The following WDR33 variants were observed in gnomAD, a reference collection of about 807,000 sequenced individuals.
The protein encoded by WDR33 is WD repeat domain 33.
In WDR33, 47 loss-of-function variants were observed where a neutral mutation model predicts 164.9. That is an observed-to-expected ratio of 0.29 (90% confidence interval 0.23 to 0.36). The LOEUF (loss-of-function observed/expected upper bound fraction) is 0.36. Ranked by LOEUF, WDR33 falls within the 10% of genes least tolerant of loss-of-function variation. The probability of loss-of-function intolerance (pLI) is 1.00; values close to 1 mark genes in which losing one functional copy is unlikely to be tolerated. For missense variants in WDR33, 1,137 were observed against 1,754.1 expected (o/e 0.65, Z 6.28); for synonymous variants, 505 against 589.0 (o/e 0.86, Z 2.06).
In WDR33 at chr2:127,706,310, T is replaced by C; in HGVS notation, c.*13A>G. 2.0e-6 allele frequency: 3 copies of C among 1,535,624 alleles called. No individual in the cohort carries two copies. The highest frequency in any genetic ancestry group is 2.6e-6 in the Non-Finnish European group (3 of 1,144,566). On this transcript the variant is annotated 3_prime_UTR_variant, in exon 22 of 22. Coordinates refer to ENST00000322313, the MANE Select transcript of WDR33 (RefSeq NM_018383.5). The surrounding 1 kb of genome is among the most constrained non-coding windows in gnomAD (Gnocchi z 5.1). ...ACTGTCCAGAGAGGCCTCAGGGTAC[T>C]CAGTTCCAGCTTCTACCGACCCCTT...
rs1184950861 is a variant in WDR33, at chr2:127,706,073, C to G, written c.*250G>C. 2.5e-6 allele frequency: 1 copy of G among 392,548 alleles called. No individual in the cohort carries two copies. Among genetic ancestry groups the G allele is most frequent in the Non-Finnish European group, 4.5e-6 (1 of 222,846 alleles). The allele number at this position is 392,548 out of a possible 1,614,324, so 24.3% of individuals were successfully genotyped here. A position where few individuals can be genotyped will look rare whatever the true frequency, so the allele number is the denominator to read the frequency against. On this transcript the variant is annotated 3_prime_UTR_variant, in exon 22 of 22. Transcript: ENST00000322313. The surrounding 1 kb of genome is among the most constrained non-coding windows in gnomAD (Gnocchi z 5.1). The stretch of plus-strand genomic sequence containing the variant: ...TGAGACTTAAAAAAAAGAAAAAGAT[C>G]CCAGCTTTTATCTTCACAAAACAAC...
At chr2:127,801,758 C>A (rs1384470668) in intron 1 of WDR33, among the ~76,000 whole-genome samples, 1 of 152,046 alleles carries the variant, frequency 6.6e-6, no homozygotes, top group Non-Finnish European at 1.5e-5. Context: ...GTGGTGCACA[C>A]CTGTAGTGCC....
chr2:127,772,720 G>C (rs1361433137), intron 1 of WDR33, among the ~76,000 whole-genome samples: 1 of 152,142 alleles, frequency 6.6e-6, no homozygotes, highest in African/African-American at 2.4e-5. Context: ...GTTTATATCT[G>C]AAGAGGAAAA....
At position 127,731,316 on chromosome 2, in the gene WDR33, A is replaced by AAC. The variant is rs200676879; in HGVS notation, c.725-4540_725-4539insGT. On this transcript the variant is annotated intron_variant, in intron 7 of 21. Transcript: ENST00000322313. The stretch of plus-strand genomic sequence containing the variant: ...CCTCAAAAAAAAAAAAAAAAAAAAA[A>AAC]AACACAGAAAAGCAAAAATTAAATT... Among the ~76,000 whole-genome samples, 368 of 149,934 alleles carry AAC rather than the reference A, an allele frequency of 2.5e-3. 1 individual carries two copies. The highest frequency in any genetic ancestry group is 8.7e-3 in the African/African-American group (349 of 39,952).
intron 7 of WDR33, among the ~76,000 whole-genome samples, chr2:127,750,689 T>TGTGTATACATAC (rs1687314809): frequency 4.7e-5 from 3 of 63,344 alleles, no homozygotes; most frequent in African/African-American, 3.5e-4. Flanking sequence ...TATATATATA[T>TGTGTATACATAC]ATATATATAT....
Position 127,710,016 on chromosome 2 carries a change from C to G in WDR33, c.3309-160G>C, listed in dbSNP as rs1487499491. Among the ~76,000 whole-genome samples the G allele has an allele frequency of 6.6e-6, 1 of 152,186 alleles. No homozygotes were observed. Among genetic ancestry groups the G allele is most frequent in the Admixed American group, 6.5e-5 (1 of 15,286 alleles). ...TTTTTGAAAGGATACATTATATAATCCTATTAATACTATCAGAGGCAAAAA... is the reference window on the plus strand; with the variant it reads ...TTTTTGAAAGGATACATTATATAATGCTATTAATACTATCAGAGGCAAAAA... On this transcript the variant is annotated intron_variant, in intron 18 of 21. Transcript: ENST00000322313. The surrounding 1 kb of genome is among the most constrained non-coding windows in gnomAD (Gnocchi z 4.4).
chr2:127,767,723 A>T (rs1042261186), intron 4 of WDR33, among the ~76,000 whole-genome samples: 20 of 152,156 alleles, frequency 1.3e-4, no homozygotes, highest in African/African-American at 4.3e-4. Context: ...TAAAAAAAAT[A>T]AAAAAATAAA....
chr2:127,736,246 G>C (rs1322060529), intron 7 of WDR33: 2 of 985,318 alleles, frequency 2.0e-6, no homozygotes, highest in Non-Finnish European at 2.4e-6. Context: ...GTCTGGCAAT[G>C]ATGAACCTGA....
At chr2:127,727,024 C>T (rs899706283) in intron 7 of WDR33, among the ~76,000 whole-genome samples, 18 of 152,110 alleles carry the variant, frequency 1.2e-4, no homozygotes, top group African/African-American at 4.1e-4. Context: ...ACCTACTTGC[C>T]GGGAGGTCAG....
At position 127,708,623 on chromosome 2, in the gene WDR33, G is replaced by T; in HGVS notation, c.3781+54C>A. On this transcript the variant is annotated intron_variant, in intron 21 of 21. Coordinates refer to ENST00000322313, the MANE Select transcript of WDR33 (RefSeq NM_018383.5). The surrounding 1 kb of genome is among the most constrained non-coding windows in gnomAD (Gnocchi z 6.7). ...GGGCATGTGCAGCAGATACAGGCAA[G>T]GCCTCCATCGGCCCCTGCATCTCCT... The T allele has an allele frequency of 6.6e-7, 1 of 1,507,220 alleles. No individual in the cohort carries two copies. The highest frequency in any genetic ancestry group is 8.9e-7 in the Non-Finnish European group (1 of 1,120,348). The allele number at this position is 1,507,220 out of a possible 1,614,324, so 93.4% of individuals were successfully genotyped here.
chr2:127,807,852 G>A (rs140189043), intron 1 of WDR33, among the ~76,000 whole-genome samples: 1 of 152,276 alleles, frequency 6.6e-6, no homozygotes, highest in East Asian at 1.9e-4. Flanking sequence ...TGACTCCCAA[G>A]ACTTTGAAAG....
chr2:127,784,530 G>A (rs766975470), intron 1 of WDR33, among the ~76,000 whole-genome samples: 5 of 152,062 alleles, frequency 3.3e-5, no homozygotes, highest in African/African-American at 7.2e-5. Flanking sequence ...CTACAGGTAC[G>A]TGACACCTCA....
chr2:127,737,667 T>TGG, intron 7 of WDR33: 1 of 1,041,980 alleles, frequency 9.6e-7, no homozygotes, highest in Non-Finnish European at 1.2e-6. Flanking sequence ...CTGAAGCCCC[T>TGG]GGTAAGGAAG....
chr2:127,780,445 C>CA lies in WDR33; in HGVS notation c.-23-9442dup, dbSNP rs148862033. On this transcript the variant is annotated intron_variant, in intron 1 of 21. Transcript: ENST00000322313. ...CATGAGCGGCAGGCTAGACCAGTAA[C>CA]AAAATGATCAACATGCTCTTTCTCT... Among the ~76,000 whole-genome samples the CA allele has an allele frequency of 5.7e-3, 863 of 152,270 alleles. 15 individuals carry two copies. The highest frequency in any genetic ancestry group is 0.019 in the African/African-American group (808 of 41,554).
chr2:127,788,413 G>T (rs1173172236), intron 1 of WDR33, among the ~76,000 whole-genome samples: 1 of 125,448 alleles, frequency 8.0e-6, no homozygotes, highest in Non-Finnish European at 1.7e-5. Context: ...GCGGCTGGCC[G>T]GGCGGAGGGC....
chr2:127,709,411 T>C lies in WDR33; in HGVS notation c.3565+79A>G, dbSNP rs943382409. On this transcript the variant is annotated intron_variant, in intron 20 of 21. Coordinates refer to ENST00000322313, the MANE Select transcript of WDR33 (RefSeq NM_018383.5). This position sits in a 1 kb window ranked among gnomAD's most constrained non-coding sequence, Gnocchi z 5.0. ...CATGAGCTGGAAAGAGGAGACCCGG[T>C]GCACCCCAGAGAGGGCCCTCAGAAC... The C allele has an allele frequency of 1.4e-6, 2 of 1,395,662 alleles. No individual in the cohort carries two copies. The highest frequency in any genetic ancestry group is 2.0e-6 in the Non-Finnish European group (2 of 987,274). 86.5% of individuals were successfully genotyped at this position (1,395,662 alleles called of 1,614,324 possible). A position where few individuals can be genotyped will look rare whatever the true frequency, so the allele number is the denominator to read the frequency against.
chr2:127,730,817 T>C (rs1369345725), intron 7 of WDR33, among the ~76,000 whole-genome samples: 2 of 152,200 alleles, frequency 1.3e-5, no homozygotes, highest in Non-Finnish European at 2.9e-5. Context: ...TGAACTTCTA[T>C]CCACATTTCC....
rs1395651165 is a variant in WDR33, at chr2:127,768,362, A to G, written c.274-69T>C. On this transcript the variant is annotated intron_variant, in intron 3 of 21. Coordinates refer to ENST00000322313, the MANE Select transcript of WDR33 (RefSeq NM_018383.5). Reference sequence around the variant, plus strand: ...ACAAGGCAGAAACCAGAAACACGGCAAGGTAATTATTTCAACATTTAAAGA... The same window carrying G: ...ACAAGGCAGAAACCAGAAACACGGCGAGGTAATTATTTCAACATTTAAAGA... 7 of 902,770 alleles carry G rather than the reference A, an allele frequency of 7.8e-6. No individual in the cohort carries two copies. The East Asian group carries it at 2.1e-4, about 27-fold the overall frequency. The allele number at this position is 902,770 out of a possible 1,614,324, so 55.9% of individuals were successfully genotyped here.
Position 127,735,308 on chromosome 2 carries a change from C to G in WDR33, c.725-8531G>C. The G allele has an allele frequency of 1.1e-6, 1 of 904,116 alleles. No homozygotes were observed. Among genetic ancestry groups the G allele is most frequent in the Non-Finnish European group, 1.3e-6 (1 of 755,846 alleles). The allele number at this position is 904,116 out of a possible 1,614,324, so 56.0% of individuals were successfully genotyped here. ...CTCCACCTCATCAGATCCTAAGGAA[C>G]CTGTTACCCCAAGCCCCTAAATAAC... On this transcript the variant is annotated intron_variant, in intron 7 of 21. Transcript: ENST00000322313. This position sits in a 1 kb window ranked among gnomAD's most constrained non-coding sequence, Gnocchi z 4.3.
Sources: allele counts gnomAD v4.1 joint callset (sites outside exome capture counted in the v4.1 genomes callset), GRCh38; gene constraint gnomAD v4.1.1; non-coding constraint Gnocchi (gnomAD v3.1); transcripts MANE v1.5; gene names NCBI Gene and HGNC (gene_info 2026-07-23, HGNC 2026-07-21).